Variants in ADGRL3 observed in about 807,000 individuals in gnomAD.
ADGRL3 encodes the protein adhesion G protein-coupled receptor L3.
ADGRL3 carries 62 observed loss-of-function variants against 153.5 expected under a neutral mutation model. The observed-to-expected ratio is 0.40, with a 90% CI of 0.33 to 0.50. ADGRL3 has a LOEUF of 0.50. Ranked by LOEUF, ADGRL3 falls within the 20% of genes least tolerant of loss-of-function variation. ADGRL3 has a pLI of 0.47. For missense variants in ADGRL3, 1,641 were observed against 1,859.4 expected (o/e 0.88, Z 2.16); for synonymous variants, 710 against 672.5 (o/e 1.06, Z -0.86).
intron 21 of ADGRL3, among the ~76,000 whole-genome samples, chr4:62,016,296 C>G (rs552816869): frequency 1.3e-3 from 195 of 152,282 alleles, no homozygotes; most frequent in African/African-American, 4.5e-3. Flanking sequence ...ATCTGCCCCC[C>G]TCGGCCTCCC....
At chr4:61,665,761 A>G (rs1333193352) in intron 5 of ADGRL3, among the ~76,000 whole-genome samples, 1 of 152,222 alleles carries the variant, frequency 6.6e-6, no homozygotes, top group African/African-American at 2.4e-5. Flanking sequence ...TACTGGTGAT[A>G]CCATAAATTG....
intron 2 of ADGRL3, among the ~76,000 whole-genome samples, chr4:61,387,511 G>A (rs940187746): frequency 7.2e-5 from 11 of 151,966 alleles, no homozygotes; most frequent in African/African-American, 2.2e-4. Context: ...ACGCCCCAGG[G>A]GGACCAGTTT....
intron 21 of ADGRL3, among the ~76,000 whole-genome samples, chr4:62,021,276 G>A (rs1033907235): frequency 7.9e-5 from 12 of 152,014 alleles, no homozygotes; most frequent in African/African-American, 2.9e-4. Flanking sequence ...TACACACAAT[G>A]GTCCTGTGAA....
intron 9 of ADGRL3, among the ~76,000 whole-genome samples, chr4:61,843,200 G>GTAA (rs1426284322): frequency 6.6e-6 from 1 of 152,094 alleles, no homozygotes; most frequent in African/African-American, 2.4e-5. Context: ...CAGAAATTGG[G>GTAA]TAATGGTGAT....
At chr4:61,800,931 C>A (rs923821389) in intron 8 of ADGRL3, among the ~76,000 whole-genome samples, 7 of 152,146 alleles carry the variant, frequency 4.6e-5, no homozygotes, top group Non-Finnish European at 8.8e-5. Context: ...TTTGGAACTT[C>A]TTCAGCCAGT....
At chr4:61,351,243 G>A (rs565426272) in intron 1 of ADGRL3, among the ~76,000 whole-genome samples, 8 of 152,174 alleles carry the variant, frequency 5.3e-5, no homozygotes, top group African/African-American at 1.9e-4. Flanking sequence ...TTCTGTGAAG[G>A]CTGAGAGATG....
chr4:62,021,692 T>C (rs981467072), intron 21 of ADGRL3, among the ~76,000 whole-genome samples: 1 of 152,146 alleles, frequency 6.6e-6, no homozygotes, highest in Non-Finnish European at 1.5e-5. Context: ...TCACAATATA[T>C]CAAACTTTTT....
At chr4:61,416,731 C>G (rs1227874558) in intron 2 of ADGRL3, among the ~76,000 whole-genome samples, 14 of 151,984 alleles carry the variant, frequency 9.2e-5, no homozygotes. Flanking sequence ...GCACTAGGAA[C>G]CAGTTTTGTG....
intron 6 of ADGRL3, among the ~76,000 whole-genome samples, chr4:61,721,849 A>G (rs1469764060): frequency 6.6e-6 from 1 of 152,240 alleles, no homozygotes; most frequent in Non-Finnish European, 1.5e-5. Flanking sequence ...AGGTTTTACA[A>G]AATGTTTGGC....
chr4:61,988,554 G>C (rs2099093715), intron 19 of ADGRL3, among the ~76,000 whole-genome samples: 1 of 152,116 alleles, frequency 6.6e-6, no homozygotes, highest in Non-Finnish European at 1.5e-5. Flanking sequence ...TGGAAATTCA[G>C]TGCTAAATAC....
chr4:61,674,725 G>C (rs2095128876), intron 5 of ADGRL3, among the ~76,000 whole-genome samples: 1 of 151,824 alleles, frequency 6.6e-6, no homozygotes, highest in African/African-American at 2.4e-5. Context: ...ACTTGACATG[G>C]ATTTATGAGG....
In ADGRL3 at chr4:61,318,210, A is replaced by C. The variant is rs7664761; in HGVS notation, c.-239-64914A>C. Reference sequence around the variant, plus strand: ...ACCTGTCTCAAAAAAAAAAAAAAAAAAAAACACAAAACACACACACACACA... The same window carrying C: ...ACCTGTCTCAAAAAAAAAAAAAAAACAAAACACAAAACACACACACACACA... On this transcript the variant is annotated intron_variant, in intron 1 of 26. Coordinates refer to ENST00000683033, the MANE Select transcript of ADGRL3 (RefSeq NM_001387552.1). 2.4e-3 allele frequency among the ~76,000 whole-genome samples: 334 copies of C among 136,466 alleles called. 9 individuals carry two copies. In the East Asian group the frequency reaches 0.027, roughly 11 times the overall value. 89.5% of individuals were successfully genotyped at this position (136,466 alleles called of 152,430 possible).
At chr4:61,981,339 A>G (rs1454966772) in intron 18 of ADGRL3, among the ~76,000 whole-genome samples, 1 of 152,160 alleles carries the variant, frequency 6.6e-6, no homozygotes, top group Non-Finnish European at 1.5e-5. Context: ...CAGGTCTAAA[A>G]TGGGTTTTTC....
intron 26 of ADGRL3, 95 bp from the exon 27 acceptor site, chr4:62,070,014 T>C: frequency 1.3e-5 from 13 of 982,758 alleles, no homozygotes; most frequent in Non-Finnish European, 2.0e-5. Flanking sequence ...TTTATACATA[T>C]TTCATAGTCA....
intron 8 of ADGRL3, among the ~76,000 whole-genome samples, chr4:61,758,331 C>A (rs1056187915): frequency 1.2e-4 from 19 of 152,170 alleles, no homozygotes; most frequent in African/African-American, 4.6e-4. Context: ...CTTTCTAGGT[C>A]TCTAAGGACT....
chr4:61,962,143 G>T (rs1205426292), intron 17 of ADGRL3, among the ~76,000 whole-genome samples: 1 of 151,912 alleles, frequency 6.6e-6, no homozygotes, highest in Admixed American at 6.6e-5. Context: ...GGAGGGTGAG[G>T]CAGGAAAATT....
intron 1 of ADGRL3, among the ~76,000 whole-genome samples, chr4:61,208,324 G>T (rs968815671): frequency 6.6e-6 from 1 of 152,080 alleles, no homozygotes; most frequent in Non-Finnish European, 1.5e-5. Flanking sequence ...ATTTTTAATG[G>T]ATTTAACAAT....
At chr4:61,334,858 T>C (rs1578315701) in intron 1 of ADGRL3, among the ~76,000 whole-genome samples, 1 of 152,164 alleles carries the variant, frequency 6.6e-6, no homozygotes, top group African/African-American at 2.4e-5. Context: ...AAGAGATCTG[T>C]CATCCTAATA....
Position 61,520,018 on chromosome 4 carries a change from T to C in ADGRL3, c.259+2500T>C, listed in dbSNP as rs999081482. ...ATAACAACATAACAAAATGCCCTTA[T>C]TGGCTTGAAATTAAGCTTTGTTTTT... On this transcript the variant is annotated intron_variant, in intron 4 of 26. Transcript: ENST00000683033. Among the ~76,000 whole-genome samples the C allele has an allele frequency of 7.2e-5, 11 of 152,162 alleles. No individual in the cohort carries two copies. The East Asian group carries it at 1.7e-3, about 24-fold the overall frequency.
Sources: gnomAD v4.1 joint callset for allele counts (sites outside exome capture counted in the v4.1 genomes callset) on GRCh38, gnomAD v4.1.1 for gene constraint, MANE v1.5 for transcripts, NCBI Gene and HGNC (gene_info 2026-07-23, HGNC 2026-07-21) for gene names.